The following CDH16 variants were observed in gnomAD, a reference collection of about 807,000 sequenced individuals.
The protein encoded by CDH16 is cadherin 16.
CDH16 carries 79 observed loss-of-function variants against 87.6 expected under a neutral mutation model. The observed-to-expected ratio is 0.90, with a 90% CI of 0.75 to 1.09. CDH16 has a LOEUF of 1.09. Among genes scored for constraint, CDH16 ranks in the 50% least tolerant of loss-of-function variants. The probability of loss-of-function intolerance (pLI) is 0.00; values close to 1 mark genes in which losing one functional copy is unlikely to be tolerated. For missense variants in CDH16, 1,124 were observed against 1,071.7 expected (o/e 1.05, Z -0.68); for synonymous variants, 457 against 439.5 (o/e 1.04, Z -0.50).
chr16:66,912,552 G>A lies in CDH16; in HGVS notation c.1311C>T (p.Val437=), dbSNP rs145449955. 1,000 of 1,614,162 alleles carry A rather than the reference G, an allele frequency of 6.2e-4. 22 individuals are homozygous for A. In the East Asian group the frequency reaches 0.022, roughly 35 times the overall value. Residue 437 remains valine, a synonymous_variant, in exon 11 of 18, where the codon GTC becomes GTT. Coordinates refer to ENST00000299752, the MANE Select transcript of CDH16 (RefSeq NM_004062.4). The stretch of plus-strand genomic sequence containing the variant: ...CGTGATCATTGATATCTGTGACTGC[G>A]ACTTCGACTTCACACGTGCTGCTGA... ...GGFSSTCEVE[V]AVTDINDHAP...
chr16:66,912,572 T>C lies in CDH16; in HGVS notation c.1291A>G (p.Ser431Gly). The C allele has an allele frequency of 6.2e-7, 1 of 1,614,194 alleles. No homozygotes were observed. Residue 431 changes from serine to glycine, a missense_variant, in exon 11 of 18, where the codon AGC becomes GGC. By Grantham distance (56) the Ser-to-Gly change is moderately conservative. Transcript: ENST00000299752. Reference sequence around the variant, plus strand: ...ACTGCGACTTCGACTTCACACGTGCTGCTGAAGCCTAGGGCAGAGGTGGAC... The same window carrying C: ...ACTGCGACTTCGACTTCACACGTGCCGCTGAAGCCTAGGGCAGAGGTGGAC... Reference protein sequence around the residue: ...DLAGAEGGFSSTCEVEVAVTD... With the variant: ...DLAGAEGGFSGTCEVEVAVTD...
rs1278889043 is a variant in CDH16, at chr16:66,912,411, G to A, written c.1379C>T (p.Pro460Leu). The change falls in exon 12 of 18, where the codon CCT becomes CTT. Residue 460 changes from proline (P) to leucine (L), a missense_variant. By Grantham distance (98) the Pro-to-Leu change is moderately conservative. Transcript: ENST00000299752. ...CAGAGTCCCGGGCTCCACATCCTCAGGGAGGCTTATAGGCCCAATCTGGAG... is the reference window on the plus strand; with the variant it reads ...CAGAGTCCCGGGCTCCACATCCTCAAGGAGGCTTATAGGCCCAATCTGGAG... ...ITSQIGPISL[P>L]EDVEPGTLVA... 5 of 1,613,906 alleles carry A rather than the reference G, an allele frequency of 3.1e-6. No individual in the cohort carries two copies. The highest frequency in any genetic ancestry group is 4.2e-6 in the Non-Finnish European group (5 of 1,179,922).
At chr16:66,913,710 G>T in intron 7 of CDH16, 97 bp from the exon 8 acceptor site, 2 of 1,514,322 alleles carry the variant, frequency 1.3e-6, no homozygotes, top group South Asian at 1.3e-5. Flanking sequence ...CCAACTGTGT[G>T]ACCCAGGCAA....
rs201375709 is a variant in CDH16 at position 66,911,135 on chromosome 16, G to A, written c.1924+47C>T. The A allele has an allele frequency of 1.5e-4, 238 of 1,567,700 alleles. No homozygotes were observed. In the African/African-American group the frequency reaches 3.0e-3, roughly 20 times the overall value. ...GCTCAGTCCTGCTGTCTGTCTGTCT[G>A]AGGTTTGTACCCCCTCCCAGGGGCT... On this transcript the variant is annotated intron_variant, in intron 14 of 17. Coordinates refer to ENST00000299752, the MANE Select transcript of CDH16 (RefSeq NM_004062.4).
In CDH16 at chr16:66,910,343, A is replaced by T. The variant is rs1322031387; in HGVS notation, c.2084T>A (p.Leu695Gln). Residue 695 changes from leucine to glutamine, a missense_variant, in exon 15 of 18, where the codon CTG (leucine) becomes CAG (glutamine). Coordinates refer to ENST00000299752, the MANE Select transcript of CDH16 (RefSeq NM_004062.4). Reference sequence around the variant, plus strand: ...GCTGTAGGGACCGTGCCCACTGGCCAGATCGGGGTCCTTGCTGGGTCCACT... The same window carrying T: ...GCTGTAGGGACCGTGCCCACTGGCCTGATCGGGGTCCTTGCTGGGTCCACT... ...IVSGPSKDPDLASGHGPYSFT... is the reference protein window; with the variant it reads ...IVSGPSKDPDQASGHGPYSFT... 1.2e-6 allele frequency: 2 copies of T among 1,613,758 alleles called. No homozygotes were observed. The highest frequency in any genetic ancestry group is 2.7e-5 in the African/African-American group (2 of 74,928).
In CDH16 at chr16:66,908,325, G is replaced by T; in HGVS notation, c.*67C>A. The T allele has an allele frequency of 7.7e-7, 1 of 1,304,164 alleles. No individual in the cohort carries two copies. The highest frequency in any genetic ancestry group is 1.2e-5 in the South Asian group (1 of 84,994). 80.8% of individuals were successfully genotyped at this position (1,304,164 alleles called of 1,614,324 possible). A position where few individuals can be genotyped will look rare whatever the true frequency, so the allele number is the denominator to read the frequency against. ...TGTCCCCTGCTGGATCTTGGGTGCT[G>T]GGCTCTCTCCCAGGGGACTCAGATG... On this transcript the variant is annotated 3_prime_UTR_variant, in exon 18 of 18. Transcript: ENST00000299752.
Position 66,910,257 on chromosome 16 carries a change from C to T in CDH16, c.2167+3G>A, listed in dbSNP as rs1962348557. ...AGCCTCCCTCCCTTTCCCCACCACA[C>T]ACCATTGAGAGTCTGGAGGCGCCAA... is the stretch of plus-strand genomic sequence containing the variant. On this transcript the variant is annotated splice_donor_region_variant and intron_variant, in intron 15 of 17. Coordinates refer to ENST00000299752, the MANE Select transcript of CDH16 (RefSeq NM_004062.4). 1 of 1,589,548 alleles carries T rather than the reference C, an allele frequency of 6.3e-7. No homozygotes were observed.
chr16:66,913,435 A>T, intron 8 of CDH16, 56 bp downstream of exon 8: 1 of 1,609,834 alleles, frequency 6.2e-7, no homozygotes. Flanking sequence ...CCAAAAGCCA[A>T]CTGGACACTG....
At position 66,912,267 on chromosome 16, in the gene CDH16, C is replaced by G; in HGVS notation, c.1523G>C (p.Gly508Ala). 1 of 1,612,108 alleles carries G rather than the reference C, an allele frequency of 6.2e-7. No individual in the cohort carries two copies. The highest frequency in any genetic ancestry group is 8.5e-7 in the Non-Finnish European group (1 of 1,178,828). The stretch of plus-strand genomic sequence containing the variant: ...CTTGCAGAGTCTGAGTCTAACATGC[C>G]CAGAGTCTGGCTCCCAATCCAGGCC... ...TFGLDWEPDS[G>A]HVRLRLCKNL... is the part of the protein sequence containing the mutation. Residue 508 changes from glycine (G) to alanine (A), a missense_variant, in exon 12 of 18, where the codon GGG becomes GCG. By Grantham distance (60) the Gly-to-Ala change is moderately conservative (BLOSUM62 0). Coordinates refer to ENST00000299752, the MANE Select transcript of CDH16 (RefSeq NM_004062.4).
Position 66,912,615 on chromosome 16 carries a change from G to A in CDH16, c.1283-35C>T, listed in dbSNP as rs778932300. 1.9e-6 allele frequency: 3 copies of A among 1,614,082 alleles called. No individual in the cohort carries two copies. The Admixed American group carries it at 5.0e-5, about 27-fold the overall frequency. ...AGGTGGACGTGTTGGTGAGGTCAGG[G>A]TAGGAACAGAGGGGACAGGGGGCCT... On this transcript the variant is annotated intron_variant, in intron 10 of 17. Coordinates refer to ENST00000299752, the MANE Select transcript of CDH16 (RefSeq NM_004062.4).
Position 66,909,223 on chromosome 16 carries a change from A to C in CDH16, c.2392+44T>G, listed in dbSNP as rs977579043. ...TTATTTGGAGGCTGTGGTCCCAACC[A>C]CCCATCGCCCTCGCCCACGCAGGTA... is the stretch of plus-strand genomic sequence containing the variant. On this transcript the variant is annotated intron_variant, in intron 17 of 17. Transcript: ENST00000299752. This position sits in a 1 kb window ranked among gnomAD's most constrained non-coding sequence, Gnocchi z 4.1. 8.1e-7 allele frequency: 1 copy of C among 1,233,576 alleles called. No individual in the cohort carries two copies. The highest frequency in any genetic ancestry group is 1.5e-5 in the African/African-American group (1 of 67,706). The allele number at this position is 1,233,576 out of a possible 1,614,324, so 76.4% of individuals were successfully genotyped here.
rs983568844 is a variant in CDH16, at chr16:66,916,572, C to G, written c.130-143G>C. The G allele has an allele frequency of 2.2e-6, 2 of 913,956 alleles. No homozygotes were observed. The highest frequency in any genetic ancestry group is 3.2e-6 in the Non-Finnish European group (2 of 626,884). 56.6% of individuals were successfully genotyped at this position (913,956 alleles called of 1,614,324 possible). On this transcript the variant is annotated intron_variant, in intron 3 of 17. Transcript: ENST00000299752. This position sits in a 1 kb window ranked among gnomAD's most constrained non-coding sequence, Gnocchi z 4.1. ...TGTCAGAGGTCACACAGCCAGTAAG[C>G]ATCAGGACTGAGACTCAGAGCCAGA...
Position 66,909,657 on chromosome 16 carries a change from A to G in CDH16, c.2276-274T>C, listed in dbSNP as rs1488893106. Among the ~76,000 whole-genome samples, 1 of 152,154 alleles carries G rather than the reference A, an allele frequency of 6.6e-6. No homozygotes were observed. The highest frequency in any genetic ancestry group is 2.4e-5 in the African/African-American group (1 of 41,428). On this transcript the variant is annotated intron_variant, in intron 16 of 17. Transcript: ENST00000299752. This position sits in a 1 kb window ranked among gnomAD's most constrained non-coding sequence, Gnocchi z 4.1. ...CTAAAAATACAAAAATTAGCAGGGC[A>G]TGATGGTGCACACCTGTAATCCCAG...
At position 66,912,614 on chromosome 16, in the gene CDH16, G is replaced by T. The variant is rs199824423; in HGVS notation, c.1283-34C>A. The T allele has an allele frequency of 3.1e-6, 5 of 1,614,106 alleles. No homozygotes were observed. In the African/African-American group the frequency reaches 6.7e-5, roughly 22 times the overall value. On this transcript the variant is annotated intron_variant, in intron 10 of 17. Coordinates refer to ENST00000299752, the MANE Select transcript of CDH16 (RefSeq NM_004062.4). Reference sequence around the variant, plus strand: ...GAGGTGGACGTGTTGGTGAGGTCAGGGTAGGAACAGAGGGGACAGGGGGCC... The same window carrying T: ...GAGGTGGACGTGTTGGTGAGGTCAGTGTAGGAACAGAGGGGACAGGGGGCC...
rs1054373639 is a variant in CDH16, at chr16:66,915,031, A to G, written c.583+189T>C. ...TGTGGAGCTGAGGCCCTCCATTCAC[A>G]CCATTTCCTAGCTCTCCATGCCTGG... On this transcript the variant is annotated intron_variant, in intron 6 of 17. Transcript: ENST00000299752. Among the ~76,000 whole-genome samples, 5 of 151,948 alleles carry G rather than the reference A, an allele frequency of 3.3e-5. No homozygotes were observed. The South Asian group carries it at 6.2e-4, about 19-fold the overall frequency.
chr16:66,910,445 G>A lies in CDH16; in HGVS notation c.1982C>T (p.Pro661Leu), dbSNP rs756886511. 2 of 1,581,316 alleles carry A rather than the reference G, an allele frequency of 1.3e-6. No individual in the cohort carries two copies. Among genetic ancestry groups the A allele is most frequent in the Non-Finnish European group, 1.7e-6 (2 of 1,160,544 alleles). The stretch of plus-strand genomic sequence containing the variant: ...AGGGGCAAGAGTCAGGGCTGGGGCA[G>A]GAGGGGCCTTTAGGAAGTGGATCAC... ...PLVIHFLKAP[P>L]APALTLAPVP... Residue 661 changes from proline to leucine, a missense_variant, in exon 15 of 18, where the codon CCT (proline) becomes CTT (leucine). Pro to Leu is a moderately conservative substitution (Grantham distance 98). Coordinates refer to ENST00000299752, the MANE Select transcript of CDH16 (RefSeq NM_004062.4).
chr16:66,915,861 G>T (rs80141533), intron 5 of CDH16, among the ~76,000 whole-genome samples: 1 of 152,060 alleles, frequency 6.6e-6, no homozygotes, highest in South Asian at 2.1e-4. Context: ...GCGCCATTGC[G>T]CTCCACTCCA....
At chr16:66,917,949 G>C (rs567291544) in intron 2 of CDH16, 72 bp downstream of exon 2, 12 of 1,326,168 alleles carry the variant, frequency 9.0e-6, no homozygotes, top group Non-Finnish European at 1.3e-5. Flanking sequence ...AATTGGTCCA[G>C]GTGGAGTTGG....
chr16:66,915,007 G>A (rs889777079), intron 6 of CDH16, among the ~76,000 whole-genome samples: 2 of 152,264 alleles, frequency 1.3e-5, no homozygotes, highest in East Asian at 3.9e-4. Context: ...TCCGTGGAGT[G>A]TGGAGCTGAG....
Sources: allele counts gnomAD v4.1 joint callset (sites outside exome capture counted in the v4.1 genomes callset), GRCh38; gene constraint gnomAD v4.1.1; non-coding constraint Gnocchi (gnomAD v3.1); transcripts MANE v1.5; gene names NCBI Gene and HGNC (gene_info 2026-07-23, HGNC 2026-07-21).